The following TRIM9 variants were observed in gnomAD, a reference collection of about 807,000 sequenced individuals.
The protein encoded by TRIM9 is tripartite motif containing 9, also known as E3 ubiquitin-protein ligase TRIM9.
TRIM9 carries 26 observed loss-of-function variants against 78.3 expected under a neutral mutation model. That is an observed-to-expected ratio of 0.33 (90% CI 0.24 to 0.46). TRIM9 has a LOEUF of 0.46. Ranked by LOEUF, TRIM9 falls within the 20% of genes least tolerant of loss-of-function variation. The pLI, the probability that TRIM9 is intolerant of heterozygous loss-of-function variation, is 1.00. For synonymous variants in TRIM9, 398 were observed against 416.5 expected (o/e 0.96, Z 0.54); for missense variants, 787 against 1,036.4 (o/e 0.76, Z 3.30).
chr14:51,086,543 T>C (rs978328366), intron 1 of TRIM9, among the ~76,000 whole-genome samples: 1 of 152,228 alleles, frequency 6.6e-6, no homozygotes, highest in Non-Finnish European at 1.5e-5. Context: ...CCAACCTTTA[T>C]CTAACTTCTA....
chr14:51,021,980 A>G (rs1331612839), intron 3 of TRIM9, among the ~76,000 whole-genome samples: 1 of 151,258 alleles, frequency 6.6e-6, no homozygotes, highest in Non-Finnish European at 1.5e-5. Flanking sequence ...CTATTTTTCA[A>G]TTCAAAAACA....
In TRIM9 at chr14:51,094,908, G is replaced by C; in HGVS notation, c.32C>G (p.Pro11Arg). MEEMEEELKC[P>R]VCGSFYREPI... ...CTCCCGATAGAAGGAGCCGCACACG[G>C]GGCATTTCAACTCCTCTTCCATCTC... is the stretch of plus-strand genomic sequence containing the variant. Residue 11 changes from proline (P) to arginine (R), a missense_variant, in exon 1 of 13, where the codon CCC becomes CGC. Around this residue, in one of 3 missense-constraint regions of TRIM9, gnomAD observed 352 missense variants for 472.3 expected, o/e 0.75. Coordinates refer to ENST00000684578, the MANE Select transcript of TRIM9 (RefSeq NM_001387360.1). 6.6e-7 allele frequency: 1 copy of C among 1,506,128 alleles called. No homozygotes were observed. The highest frequency in any genetic ancestry group is 8.9e-7 in the Non-Finnish European group (1 of 1,128,664). 93.3% of individuals were successfully genotyped at this position (1,506,128 alleles called of 1,614,324 possible). A position where few individuals can be genotyped will look rare whatever the true frequency, so the allele number is the denominator to read the frequency against.
chr14:50,979,003 T>A (rs1284062409), intron 12 of TRIM9: 9 of 1,215,806 alleles, frequency 7.4e-6, no homozygotes, highest in East Asian at 3.4e-5. Flanking sequence ...AATGCTTCAG[T>A]CTTACACCCT....
Position 51,032,234 on chromosome 14 carries a change from C to T in TRIM9, c.823-6874G>A, listed in dbSNP as rs952482380. Among the ~76,000 whole-genome samples, 3 of 152,204 alleles carry T rather than the reference C, an allele frequency of 2.0e-5. No individual in the cohort carries two copies. In the South Asian group the frequency reaches 6.2e-4, roughly 31 times the overall value. ...GGGACCAACATGGCATTGGAGTTAA[C>T]AGGATAGACTTCAAAGTCAGATGAA... is the stretch of plus-strand genomic sequence containing the variant. On this transcript the variant is annotated intron_variant, in intron 1 of 12. Coordinates refer to ENST00000684578, the MANE Select transcript of TRIM9 (RefSeq NM_001387360.1).
rs989268296 is a variant in TRIM9 at position 50,975,641 on chromosome 14, A to G, written c.*1650T>C. ...TAAGCACAAAAGTAAATAATTAGCTATTTACATATATTCCTTTTTGCCAAA... is the reference window on the plus strand; with the variant it reads ...TAAGCACAAAAGTAAATAATTAGCTGTTTACATATATTCCTTTTTGCCAAA... On this transcript the variant is annotated 3_prime_UTR_variant, in exon 13 of 13. Coordinates refer to ENST00000684578, the MANE Select transcript of TRIM9 (RefSeq NM_001387360.1). 4 of 152,672 alleles carry G rather than the reference A, an allele frequency of 2.6e-5. No homozygotes were observed. Among genetic ancestry groups the G allele is most frequent in the African/African-American group, 9.6e-5 (4 of 41,470 alleles). 9.5% of individuals were successfully genotyped at this position (152,672 alleles called of 1,614,324 possible). A position where few individuals can be genotyped will look rare whatever the true frequency, so the allele number is the denominator to read the frequency against.
chr14:50,996,640 C>A, intron 7 of TRIM9: 1 of 985,368 alleles, frequency 1.0e-6, no homozygotes. Flanking sequence ...GGGCCTTCTG[C>A]GTTGCATCTA....
intron 1 of TRIM9, among the ~76,000 whole-genome samples, chr14:51,028,927 C>T (rs2058488038): frequency 6.6e-6 from 1 of 152,128 alleles, no homozygotes; most frequent in Non-Finnish European, 1.5e-5. Context: ...TCCACCCTGA[C>T]CCTGGCTCCC....
intron 1 of TRIM9, among the ~76,000 whole-genome samples, chr14:51,083,431 A>ATT (rs146594547): frequency 4.0e-5 from 6 of 150,176 alleles, no homozygotes; most frequent in Admixed American, 1.3e-4. Flanking sequence ...ATTAAAAAAA[A>ATT]TTTTTTTTTT....
chr14:51,033,275 T>C (rs1242471913), intron 1 of TRIM9, among the ~76,000 whole-genome samples: 1 of 152,102 alleles, frequency 6.6e-6, no homozygotes, highest in Non-Finnish European at 1.5e-5. Context: ...GTATTTTTAG[T>C]AGAGATGGGG....
At chr14:51,016,709 G>C (rs1836871170) in intron 3 of TRIM9, among the ~76,000 whole-genome samples, 1 of 152,026 alleles carries the variant, frequency 6.6e-6, no homozygotes, top group South Asian at 2.1e-4. Context: ...AGACACTGAG[G>C]AGACAGTTGT....
intron 7 of TRIM9, chr14:50,996,478 T>C (rs1049494982): frequency 3.7e-5 from 36 of 985,356 alleles, no homozygotes; most frequent in Admixed American, 6.1e-5. Context: ...ATGATTCCCA[T>C]GATGTATTAT....
intron 1 of TRIM9, among the ~76,000 whole-genome samples, chr14:51,078,981 C>A (rs543883904): frequency 6.6e-6 from 1 of 152,186 alleles, no homozygotes; most frequent in Admixed American, 6.5e-5. Flanking sequence ...CTATCTGTAT[C>A]CCATAACATC....
intron 1 of TRIM9, among the ~76,000 whole-genome samples, chr14:51,037,202 C>T (rs773687271): frequency 2.2e-4 from 33 of 152,014 alleles, no homozygotes; most frequent in Admixed American, 5.9e-4. Context: ...TAAATAACTC[C>T]GAGATCAAAT....
In TRIM9 at chr14:51,094,829, G is replaced by T. The variant is rs952000811; in HGVS notation, c.111C>A (p.Ile37=). 23 of 1,534,736 alleles carry T rather than the reference G, an allele frequency of 1.5e-5. No individual in the cohort carries two copies. The highest frequency in any genetic ancestry group is 1.9e-5 in the Non-Finnish European group (22 of 1,146,076). Residue 37 remains isoleucine, a synonymous_variant, in exon 1 of 13, where the codon ATC becomes ATA. Coordinates refer to ENST00000684578, the MANE Select transcript of TRIM9 (RefSeq NM_001387360.1). ...HNLCQACARN[I]LVQTPESESP... Reference sequence around the variant, plus strand: ...ATTCAGACTCTGGGGTCTGCACCAGGATGTTGCGGGCGCACGCCTGACACA... The same window carrying T: ...ATTCAGACTCTGGGGTCTGCACCAGTATGTTGCGGGCGCACGCCTGACACA...
At chr14:51,018,352 T>C (rs569727762) in intron 3 of TRIM9, among the ~76,000 whole-genome samples, 13 of 151,938 alleles carry the variant, frequency 8.6e-5, no homozygotes, top group Admixed American at 8.5e-4. Context: ...CTTTCTATCC[T>C]TCCTCCCTCC....
At chr14:51,066,450 C>T (rs779881777) in intron 1 of TRIM9, among the ~76,000 whole-genome samples, 2 of 152,206 alleles carry the variant, frequency 1.3e-5, no homozygotes, top group South Asian at 2.1e-4. Context: ...TTCTGGAACA[C>T]CACATTCCTG....
At chr14:51,077,233 C>T (rs2062860524) in intron 1 of TRIM9, among the ~76,000 whole-genome samples, 1 of 152,092 alleles carries the variant, frequency 6.6e-6, no homozygotes, top group Non-Finnish European at 1.5e-5. Context: ...TATTCAACTG[C>T]TTTTAGGAGC....
intron 1 of TRIM9, among the ~76,000 whole-genome samples, chr14:51,088,271 C>CTG (rs907844031): frequency 7.9e-5 from 12 of 152,180 alleles, no homozygotes; most frequent in Non-Finnish European, 1.8e-4. Context: ...GTGTGGCACT[C>CTG]TAACAGAGTT....
intron 1 of TRIM9, among the ~76,000 whole-genome samples, chr14:51,065,452 T>C (rs56257001): frequency 0.025 from 3,798 of 152,262 alleles, 163 homozygotes; most frequent in African/African-American, 0.087. Flanking sequence ...GCAGTCACAA[T>C]ATGTCATCTT....
Sources: gnomAD v4.1 joint callset for allele counts (sites outside exome capture counted in the v4.1 genomes callset) on GRCh38, gnomAD v4.1.1 for gene constraint, gnomAD v4.1.1 regional missense constraint, MANE v1.5 for transcripts, NCBI Gene and HGNC (gene_info 2026-07-23, HGNC 2026-07-21) for gene names.